The following HOMER1 variants were observed in gnomAD, a reference collection of about 807,000 sequenced individuals.
HOMER1 encodes the protein homer scaffold protein 1, also known as homer protein homolog 1.
A neutral mutation model predicts 48.9 loss-of-function variants in HOMER1; 3 were observed. The ratio of observed to expected loss-of-function variants is 0.06; its 90% CI spans 0.03 to 0.16. The LOEUF is 0.16. Ranked by LOEUF, HOMER1 falls within the 10% of genes least tolerant of loss-of-function variation. The pLI is 1.00. For synonymous variants in HOMER1, 134 were observed against 146.4 expected (o/e 0.92, Z 0.61); for missense variants, 247 against 411.4 (o/e 0.60, Z 3.46).
At chr5:79,493,528 G>T (rs1752344577) in intron 1 of HOMER1, among the ~76,000 whole-genome samples, 1 of 152,064 alleles carries the variant, frequency 6.6e-6, no homozygotes, top group South Asian at 2.1e-4. Context: ...ATGAATGTTT[G>T]TTAAAGCAAT....
chr5:79,472,930 A>G (rs1751663344), intron 1 of HOMER1, among the ~76,000 whole-genome samples: 1 of 152,210 alleles, frequency 6.6e-6, no homozygotes, highest in Admixed American at 6.5e-5. Flanking sequence ...TTTGCCATCA[A>G]CTATGTCTGT....
At chr5:79,440,099 C>G (rs1750700339) in intron 4 of HOMER1, among the ~76,000 whole-genome samples, 1 of 151,876 alleles carries the variant, frequency 6.6e-6, no homozygotes, top group African/African-American at 2.4e-5. Flanking sequence ...AAGTGTCCAA[C>G]AGGGGAGTGG....
intron 2 of HOMER1, 23 bp from the exon 3 acceptor site, chr5:79,451,144 G>A (rs375314918): frequency 1.9e-6 from 3 of 1,603,328 alleles, no homozygotes; most frequent in South Asian, 2.2e-5. Flanking sequence ...GCAAGTATGA[G>A]CAACCAGCAA....
intron 1 of HOMER1, among the ~76,000 whole-genome samples, chr5:79,471,530 A>C (rs1236732854): frequency 6.7e-6 from 1 of 149,792 alleles, no homozygotes; most frequent in Non-Finnish European, 1.5e-5. Context: ...CTGGGGAATA[A>C]GAGCAAAACT....
intron 3 of HOMER1, among the ~76,000 whole-genome samples, chr5:79,447,791 A>G (rs1750924327): frequency 6.6e-6 from 1 of 152,212 alleles, no homozygotes; most frequent in African/African-American, 2.4e-5. Flanking sequence ...TTAGGAACTC[A>G]TAGGAAACTA....
rs191079036 is a variant in HOMER1 at position 79,433,506 on chromosome 5, C to A, written c.527+5504G>T. On this transcript the variant is annotated intron_variant, in intron 5 of 8. Coordinates refer to ENST00000334082, the MANE Select transcript of HOMER1 (RefSeq NM_004272.5). ...TGGCTTGAACCCGGGAGGTGGAGGT[C>A]GCAGTGAGCTGAGATCGCACCACTG... Among the ~76,000 whole-genome samples the A allele has an allele frequency of 5.3e-5, 8 of 152,074 alleles. No homozygotes were observed. In the East Asian group the frequency reaches 1.4e-3, roughly 26 times the overall value.
intron 5 of HOMER1, among the ~76,000 whole-genome samples, chr5:79,417,615 G>A (rs1749981882): frequency 6.6e-6 from 1 of 152,140 alleles, no homozygotes; most frequent in East Asian, 1.9e-4. Flanking sequence ...CTCTTGCCAA[G>A]AATGAGATCA....
At chr5:79,438,448 T>TGA (rs2112274691) in intron 5 of HOMER1, among the ~76,000 whole-genome samples, 1 of 152,350 alleles carries the variant, frequency 6.6e-6, no homozygotes, top group African/African-American at 2.4e-5. Flanking sequence ...CAAAAGCAAG[T>TGA]GAAGACTTAT....
intron 1 of HOMER1, among the ~76,000 whole-genome samples, chr5:79,499,560 A>G (rs1752518662): frequency 6.6e-6 from 1 of 152,210 alleles, no homozygotes; most frequent in Non-Finnish European, 1.5e-5. Flanking sequence ...ATTGAAAAAA[A>G]TAGAAAAAGG....
intron 5 of HOMER1, among the ~76,000 whole-genome samples, chr5:79,410,798 T>A (rs1749796496): frequency 6.6e-6 from 1 of 152,208 alleles, no homozygotes; most frequent in African/African-American, 2.4e-5. Flanking sequence ...TAGGATTAAT[T>A]CTGACACCAA....
chr5:79,404,927 G>A (rs192793789), intron 5 of HOMER1, among the ~76,000 whole-genome samples: 2,461 of 150,570 alleles, frequency 0.016, 57 homozygotes, highest in Admixed American at 0.054. Context: ...CAGGCTGGTC[G>A]CTAACTCCTG....
At chr5:79,502,990 C>T (rs1239329841) in intron 1 of HOMER1, among the ~76,000 whole-genome samples, 1 of 151,984 alleles carries the variant, frequency 6.6e-6, no homozygotes, top group Non-Finnish European at 1.5e-5. Flanking sequence ...CAGGGTTTCA[C>T]CGTGTTAGCC....
intron 8 of HOMER1, among the ~76,000 whole-genome samples, chr5:79,384,090 C>A (rs1749048066): frequency 6.8e-6 from 1 of 147,426 alleles, no homozygotes. Context: ...AACAATGTGC[C>A]TCAAGAAACT....
At chr5:79,394,045 T>A (rs1482996114) in intron 8 of HOMER1, among the ~76,000 whole-genome samples, 1 of 152,190 alleles carries the variant, frequency 6.6e-6, no homozygotes, top group Non-Finnish European at 1.5e-5. Flanking sequence ...TTTTTTGAAA[T>A]TTTTCTAATT....
At chr5:79,508,369 A>C (rs1752835840) in intron 1 of HOMER1, among the ~76,000 whole-genome samples, 1 of 152,220 alleles carries the variant, frequency 6.6e-6, no homozygotes, top group African/African-American at 2.4e-5. Flanking sequence ...ATTTATATAC[A>C]AGCATATTGG....
At chr5:79,450,630 G>GT in intron 3 of HOMER1, among the ~76,000 whole-genome samples, 1 of 152,278 alleles carries the variant, frequency 6.6e-6, no homozygotes, top group African/African-American at 2.4e-5. Flanking sequence ...GTCAGCTTGA[G>GT]TTTTCACAAT....
intron 8 of HOMER1, among the ~76,000 whole-genome samples, chr5:79,385,842 CAAAAAAAAAA>C (rs33968519): frequency 1.4e-5 from 1 of 70,794 alleles, no homozygotes; most frequent in Non-Finnish European, 2.4e-5. Context: ...GACTCTGTCT[CAAAAAAAAAA>C]AAAAAAAAAA....
At chr5:79,507,251 AAC>A (rs1752804855) in intron 1 of HOMER1, among the ~76,000 whole-genome samples, 1 of 151,664 alleles carries the variant, frequency 6.6e-6, no homozygotes, top group Non-Finnish European at 1.5e-5. Flanking sequence ...ACAAAAAAAA[AAC>A]AGTTTTACCT....
At chr5:79,435,294 AAATTTG>A (rs745462603) in intron 5 of HOMER1, among the ~76,000 whole-genome samples, 199 of 152,334 alleles carry the variant, frequency 1.3e-3, no homozygotes, top group Non-Finnish European at 2.2e-3. Context: ...GTTTAGTCAA[AAATTTG>A]AATTTTAAGA....
Sources: allele counts gnomAD v4.1 joint callset (sites outside exome capture counted in the v4.1 genomes callset), GRCh38; gene constraint gnomAD v4.1.1; transcripts MANE v1.5; gene names NCBI Gene and HGNC (gene_info 2026-07-23, HGNC 2026-07-21).